The following FAM124A variants were observed in gnomAD, a reference collection of about 807,000 sequenced individuals.
The protein encoded by FAM124A is family with sequence similarity 124 member A.
A neutral mutation model predicts 24.5 loss-of-function variants in FAM124A; 23 were observed. That is an observed-to-expected ratio of 0.94 (90% CI 0.68 to 1.33). The LOEUF (loss-of-function observed/expected upper bound fraction) is 1.33, where lower values mean the gene tolerates loss of function less well. Among genes scored for constraint, FAM124A ranks in the 40% most tolerant of loss-of-function variants. The probability of loss-of-function intolerance (pLI) is 0.00; values close to 1 mark genes in which losing one functional copy is unlikely to be tolerated. For synonymous variants in FAM124A, 287 were observed against 314.7 expected (o/e 0.91, Z 0.93); for missense variants, 623 against 722.8 (o/e 0.86, Z 1.58).
intron 2 of FAM124A, among the ~76,000 whole-genome samples, chr13:51,234,351 A>G (rs1954413178): frequency 6.6e-6 from 1 of 152,178 alleles, no homozygotes; most frequent in African/African-American, 2.4e-5. Context: ...AGAGAGCACC[A>G]TTCTATTTAG....
intron 2 of FAM124A, among the ~76,000 whole-genome samples, chr13:51,244,802 TTCC>T (rs952372750): frequency 6.6e-5 from 10 of 152,176 alleles, no homozygotes; most frequent in Non-Finnish European, 1.3e-4. Flanking sequence ...TGCCCTCTTC[TTCC>T]GAAGACTCCA....
At chr13:51,273,096 T>C (rs879289675) in intron 3 of FAM124A, among the ~76,000 whole-genome samples, 21 of 152,220 alleles carry the variant, frequency 1.4e-4, no homozygotes, top group Admixed American at 1.3e-3. Flanking sequence ...TAGGGAGGCA[T>C]TCCCGCAGAA....
chr13:51,261,097 C>T (rs566765092), intron 3 of FAM124A, among the ~76,000 whole-genome samples: 1 of 152,334 alleles, frequency 6.6e-6, no homozygotes, highest in Non-Finnish European at 1.5e-5. Context: ...CTGATTTCAT[C>T]CCATTTGCAC....
At chr13:51,269,561 G>A (rs1443028070) in intron 3 of FAM124A, among the ~76,000 whole-genome samples, 2 of 152,136 alleles carry the variant, frequency 1.3e-5, no homozygotes, top group African/African-American at 4.8e-5. Flanking sequence ...GTACTTTAAA[G>A]ATTTTGTTTA....
In FAM124A at chr13:51,258,476, G is replaced by A. The variant is rs968622108; in HGVS notation, c.834+6275G>A. Among the ~76,000 whole-genome samples the A allele has an allele frequency of 5.9e-5, 9 of 152,150 alleles. No homozygotes were observed. Among genetic ancestry groups the A allele is most frequent in the African/African-American group, 1.9e-4 (8 of 41,428 alleles). On this transcript the variant is annotated intron_variant, in intron 3 of 3. Transcript: ENST00000322475. This position sits in a 1 kb window ranked among gnomAD's most constrained non-coding sequence, Gnocchi z 4.2. ...CATCTGGGATCTCTCGTGGGTCTCC[G>A]AACCCTCTTCAGACTCTAATGTCTG...
chr13:51,274,094 T>A (rs189370902), intron 3 of FAM124A, among the ~76,000 whole-genome samples: 338 of 152,340 alleles, frequency 2.2e-3, no homozygotes, highest in African/African-American at 7.8e-3. Context: ...TCACTTTGAT[T>A]TTCTCTGTTG....
In FAM124A at chr13:51,281,251, A is replaced by G. The variant is rs1302804396; in HGVS notation, c.1636A>G (p.Ile546Val). 6 of 1,561,022 alleles carry G rather than the reference A, an allele frequency of 3.8e-6. No individual in the cohort carries two copies. The highest frequency in any genetic ancestry group is 1.7e-4 in the Middle Eastern group (1 of 5,842). Residue 546 changes from isoleucine to valine, a missense_variant, in exon 4 of 4, where the codon ATC becomes GTC. Physicochemically the swap from Ile to Val is conservative, Grantham distance 29. Transcript: ENST00000322475. ...GGATAACGACATGGAGGAATTCTAC[A>G]TCTGAATGCCCTCTGCTCTTGTTCT... Reference protein sequence around the residue: ...PGDNDMEEFYI With the variant: ...PGDNDMEEFYV
chr13:51,236,588 C>T (rs1339657622), intron 2 of FAM124A, among the ~76,000 whole-genome samples: 3 of 152,238 alleles, frequency 2.0e-5, no homozygotes, highest in African/African-American at 4.8e-5. Flanking sequence ...GACATGATTG[C>T]ATACTGTAGA....
Position 51,267,429 on chromosome 13 carries a change from A to G in FAM124A, c.835-13021A>G, listed in dbSNP as rs1346687237. Among the ~76,000 whole-genome samples, 4 of 152,200 alleles carry G rather than the reference A, an allele frequency of 2.6e-5. 1 individual carries two copies. Among genetic ancestry groups the G allele is most frequent in the South Asian group, 4.1e-4 (2 of 4,828 alleles). ...GGAAATTGCAAATAGATTTTTCTAGACCTCAAAAGAGAAGAATAACTTCCT... is the reference window on the plus strand; with the variant it reads ...GGAAATTGCAAATAGATTTTTCTAGGCCTCAAAAGAGAAGAATAACTTCCT... On this transcript the variant is annotated intron_variant, in intron 3 of 3. Coordinates refer to ENST00000322475, the MANE Select transcript of FAM124A (RefSeq NM_001242312.2).
chr13:51,284,120 T>G lies in FAM124A; in HGVS notation c.*2864T>G, dbSNP rs1249308834. The G allele has an allele frequency of 6.6e-6, 1 of 152,206 alleles. No individual in the cohort carries two copies. The highest frequency in any genetic ancestry group is 6.5e-5 in the Admixed American group (1 of 15,276). The allele number at this position is 152,206 out of a possible 1,614,324, so 9.4% of individuals were successfully genotyped here. A position where few individuals can be genotyped will look rare whatever the true frequency, so the allele number is the denominator to read the frequency against. ...TCCATTCCTGGCCATTCCAGTAGCATCTTCCTCATCCAGAAGGGCTTCCAA... is the reference window on the plus strand; with the variant it reads ...TCCATTCCTGGCCATTCCAGTAGCAGCTTCCTCATCCAGAAGGGCTTCCAA... On this transcript the variant is annotated 3_prime_UTR_variant, in exon 4 of 4. Transcript: ENST00000322475.
chr13:51,259,745 C>T (rs1954714715), intron 3 of FAM124A, among the ~76,000 whole-genome samples: 1 of 152,216 alleles, frequency 6.6e-6, no homozygotes, highest in Non-Finnish European at 1.5e-5. Context: ...GCCCACATCA[C>T]AGGCTTGGCC....
At chr13:51,276,920 G>A (rs1954890444) in intron 3 of FAM124A, among the ~76,000 whole-genome samples, 1 of 152,148 alleles carries the variant, frequency 6.6e-6, no homozygotes, top group Admixed American at 6.5e-5. Context: ...TAAAGTCCCT[G>A]ACCATGAACA....
At chr13:51,243,784 C>T (rs1215965397) in intron 2 of FAM124A, among the ~76,000 whole-genome samples, 1 of 152,156 alleles carries the variant, frequency 6.6e-6, no homozygotes, top group Non-Finnish European at 1.5e-5. Context: ...GATCCACCTG[C>T]CTCGATCTCC....
chr13:51,234,356 ATTTAG>A (rs1350118485), intron 2 of FAM124A, among the ~76,000 whole-genome samples: 6 of 152,120 alleles, frequency 3.9e-5, no homozygotes, highest in African/African-American at 1.4e-4. Flanking sequence ...GCACCATTCT[ATTTAG>A]TTGTCTTTTT....
chr13:51,263,661 C>T (rs1954758470), intron 3 of FAM124A, among the ~76,000 whole-genome samples: 1 of 152,230 alleles, frequency 6.6e-6, no homozygotes, highest in African/African-American at 2.4e-5. Flanking sequence ...GGTGCCCCTT[C>T]ACTGTGTTTC....
At chr13:51,230,640 T>A (rs1461356483) in intron 1 of FAM124A, among the ~76,000 whole-genome samples, 3 of 152,202 alleles carry the variant, frequency 2.0e-5, no homozygotes, top group Non-Finnish European at 4.4e-5. Context: ...TACTAGAGAT[T>A]AAGCAGATCC....
At chr13:51,237,849 C>A (rs1049510778) in intron 2 of FAM124A, among the ~76,000 whole-genome samples, 3 of 152,166 alleles carry the variant, frequency 2.0e-5, no homozygotes, top group African/African-American at 4.8e-5. Flanking sequence ...CTTAAGGTTT[C>A]TTTTCCCCAC....
At chr13:51,231,490 A>G (rs1954376902) in intron 2 of FAM124A, 111 bp downstream of exon 2, 1 of 1,169,578 alleles carries the variant, frequency 8.6e-7, no homozygotes, top group South Asian at 1.5e-5. Context: ...TCACCAAAGC[A>G]TCTTTGCCAA....
chr13:51,275,244 A>G (rs1467862202), intron 3 of FAM124A, among the ~76,000 whole-genome samples: 3 of 151,590 alleles, frequency 2.0e-5, no homozygotes, highest in Admixed American at 6.6e-5. Flanking sequence ...TGAGCATAGT[A>G]TCACATGCCT....
Sources: allele counts gnomAD v4.1 joint callset (sites outside exome capture counted in the v4.1 genomes callset), GRCh38; gene constraint gnomAD v4.1.1; non-coding constraint Gnocchi (gnomAD v3.1); transcripts MANE v1.5; gene names NCBI Gene and HGNC (gene_info 2026-07-23, HGNC 2026-07-21).